Variants in SLC17A5 observed in about 807,000 individuals in gnomAD.
The protein encoded by SLC17A5 is sialin.
A neutral mutation model predicts 59.4 loss-of-function variants in SLC17A5; 47 were observed. The observed-to-expected ratio is 0.79, with a 90% CI of 0.63 to 1.01. SLC17A5 has a LOEUF of 1.01. SLC17A5 is among the 50% of genes least tolerant of loss of function. SLC17A5 has a pLI of 0.00. For synonymous variants in SLC17A5, 202 were observed against 210.7 expected, an observed-to-expected ratio of 0.96 and a Z score of 0.36; for missense variants, 522 against 595.5, an observed-to-expected ratio of 0.88 and a Z score of 1.28.
At chr6:73,608,613 T>C (rs472300) in intron 9 of SLC17A5, among the ~76,000 whole-genome samples, 16,352 of 152,212 alleles carry the variant, frequency 0.11, 1,059 homozygotes, top group Middle Eastern at 0.18. Flanking sequence ...AGAATTTCTA[T>C]ACTTCAACTA....
intron 10 of SLC17A5, among the ~76,000 whole-genome samples, chr6:73,600,136 G>A (rs756496990): frequency 6.6e-5 from 10 of 152,118 alleles, no homozygotes; most frequent in Non-Finnish European, 1.3e-4. Flanking sequence ...CAGCTACAGT[G>A]TCTTCATTTG....
chr6:73,598,869 A>G (rs778412589), intron 10 of SLC17A5, among the ~76,000 whole-genome samples: 9 of 152,016 alleles, frequency 5.9e-5, no homozygotes, highest in Non-Finnish European at 1.3e-4. Context: ...CTGTAATCCC[A>G]GCTATTCGGG....
intron 3 of SLC17A5, among the ~76,000 whole-genome samples, chr6:73,641,379 T>C (rs543481919): frequency 1.2e-4 from 18 of 152,258 alleles, no homozygotes; most frequent in Admixed American, 2.6e-4. Context: ...ACGCCCGGAC[T>C]ATCTTAACCA....
chr6:73,602,130 T>C (rs1333712917), intron 9 of SLC17A5, among the ~76,000 whole-genome samples: 4 of 151,492 alleles, frequency 2.6e-5, no homozygotes, highest in Non-Finnish European at 5.9e-5. Context: ...TGTTGATCGG[T>C]GACCTTACCC....
chr6:73,644,749 G>A, intron 1 of SLC17A5, 146 bp from the exon 2 acceptor site: 1 of 676,368 alleles, frequency 1.5e-6, no homozygotes, highest in Non-Finnish European at 2.5e-6. Flanking sequence ...TGTGATTATA[G>A]GCATTGGCCA....
At chr6:73,641,656 G>A (rs1260778917) in intron 3 of SLC17A5, 35 bp downstream of exon 3, 8 of 1,438,586 alleles carry the variant, frequency 5.6e-6, no homozygotes, top group African/African-American at 2.8e-5. Flanking sequence ...GGAGACACAC[G>A]GTAAGAAGTA....
chr6:73,638,269 T>C (rs1769116564), intron 4 of SLC17A5, 143 bp downstream of exon 4: 1 of 662,072 alleles, frequency 1.5e-6, no homozygotes, highest in African/African-American at 1.8e-5. Context: ...AAATTGGTAA[T>C]AAAGTTATAC....
intron 2 of SLC17A5, among the ~76,000 whole-genome samples, chr6:73,642,624 C>T (rs1215638327): frequency 6.6e-6 from 1 of 152,106 alleles, no homozygotes; most frequent in Non-Finnish European, 1.5e-5. Flanking sequence ...GTGAATAGAA[C>T]CTGTGTTTTC....
chr6:73,635,417 C>T lies in SLC17A5; in HGVS notation c.784G>A (p.Glu262Lys). The T allele has an allele frequency of 6.2e-7, 1 of 1,606,746 alleles. No individual in the cohort carries two copies. Among genetic ancestry groups the T allele is most frequent in the Non-Finnish European group, 8.5e-7 (1 of 1,174,640 alleles). The change falls in exon 6 of 11, where the codon GAA (glutamate) becomes AAA (lysine). Residue 262 changes from glutamate (E) to lysine (K), a missense_variant. This residue lies in a region of SLC17A5 where 338 missense variants were observed against 363.8 expected (regional missense o/e 0.93). Transcript: ENST00000355773. ...AATGATGAAAGAATGTATTCCTTTT[C>T]ATAATGGGAAATTCTCTTGTGTTTT... is the stretch of plus-strand genomic sequence containing the variant. Reference protein sequence around the residue: ...PQKHKRISHYEKEYILSSLRN... With the variant: ...PQKHKRISHYKKEYILSSLRN...
intron 4 of SLC17A5, 94 bp downstream of exon 4, chr6:73,638,318 C>T: frequency 1.1e-6 from 1 of 872,440 alleles, no homozygotes; most frequent in Non-Finnish European, 1.9e-6. Flanking sequence ...GGCATCCAAT[C>T]CAACATTGCA....
At chr6:73,608,883 G>GGTGAT (rs1236804422) in intron 9 of SLC17A5, among the ~76,000 whole-genome samples, 1 of 152,178 alleles carries the variant, frequency 6.6e-6, no homozygotes, top group Non-Finnish European at 1.5e-5. Flanking sequence ...AACCAGGCAT[G>GGTGAT]GTGATGTATG....
At chr6:73,604,410 A>G (rs1236559423) in intron 9 of SLC17A5, among the ~76,000 whole-genome samples, 1 of 152,130 alleles carries the variant, frequency 6.6e-6, no homozygotes, top group Non-Finnish European at 1.5e-5. Context: ...AAATCTATCT[A>G]ATTCCCATGA....
At chr6:73,640,138 G>A (rs973858256) in intron 3 of SLC17A5, among the ~76,000 whole-genome samples, 3 of 152,140 alleles carry the variant, frequency 2.0e-5, no homozygotes, top group Non-Finnish European at 4.4e-5. Flanking sequence ...TTAAATTAGT[G>A]GCATAAACTG....
At chr6:73,615,880 C>CTTTTTTGT (rs1561990017) in intron 7 of SLC17A5, among the ~76,000 whole-genome samples, 13 of 97,578 alleles carry the variant, frequency 1.3e-4, no homozygotes, top group Admixed American at 6.4e-4. Flanking sequence ...ATGAATCATT[C>CTTTTTTGT]TTTTTTTTTT....
At chr6:73,622,103 T>C (rs1014104662) in intron 6 of SLC17A5, 141 bp from the exon 7 acceptor site, 13 of 731,520 alleles carry the variant, frequency 1.8e-5, no homozygotes, top group Non-Finnish European at 3.0e-5. Context: ...TCAACTCCTT[T>C]GAAATATTAA....
intron 9 of SLC17A5, among the ~76,000 whole-genome samples, chr6:73,606,098 A>C (rs577820961): frequency 1.3e-5 from 2 of 152,202 alleles, no homozygotes; most frequent in African/African-American, 2.4e-5. Context: ...GCTGGAGTGC[A>C]GTAGCACAAT....
intron 8 of SLC17A5, among the ~76,000 whole-genome samples, chr6:73,613,097 T>C (rs1474902872): frequency 1.3e-5 from 2 of 152,128 alleles, no homozygotes; most frequent in Admixed American, 1.3e-4. Flanking sequence ...TGATTATTTA[T>C]GGGTTCTTTG....
In SLC17A5 at chr6:73,634,920, C is replaced by T. The variant is rs146014832; in HGVS notation, c.819+462G>A. Among the ~76,000 whole-genome samples, 1,045 of 152,172 alleles carry T rather than the reference C, an allele frequency of 6.9e-3. 8 individuals carry two copies. Among genetic ancestry groups the T allele is most frequent in the South Asian group, 0.024 (117 of 4,818 alleles). On this transcript the variant is annotated intron_variant, in intron 6 of 10. Coordinates refer to ENST00000355773, the MANE Select transcript of SLC17A5 (RefSeq NM_012434.5). ...TTTCATGAATAACACATTTTATTTTCTACTAATCAAGTGGAAAAAACAAAC... is the reference window on the plus strand; with the variant it reads ...TTTCATGAATAACACATTTTATTTTTTACTAATCAAGTGGAAAAAACAAAC...
At chr6:73,604,879 TACTG>T (rs1390661249) in intron 9 of SLC17A5, among the ~76,000 whole-genome samples, 12 of 152,350 alleles carry the variant, frequency 7.9e-5, no homozygotes, top group East Asian at 3.9e-4. Flanking sequence ...TGTATCTGTT[TACTG>T]ACTATGTATT....
Sources: allele counts gnomAD v4.1 joint callset (sites outside exome capture counted in the v4.1 genomes callset), GRCh38; gene constraint gnomAD v4.1.1; regional missense constraint gnomAD v4.1.1; transcripts MANE v1.5; gene names NCBI Gene and HGNC (gene_info 2026-07-23, HGNC 2026-07-21).